BNC2: variants seen among roughly 807,000 people sequenced by gnomAD.
BNC2 encodes basonuclin zinc finger protein 2, also known as zinc finger protein basonuclin-2.
BNC2 carries 20 observed loss-of-function variants against 76.3 expected under a neutral mutation model. The observed-to-expected ratio is 0.26, with a 90% CI of 0.18 to 0.38. The LOEUF (loss-of-function observed/expected upper bound fraction) is 0.38. BNC2 is among the 10% of genes least tolerant of loss of function. The probability of loss-of-function intolerance (pLI) is 1.00; values close to 1 mark genes in which losing one functional copy is unlikely to be tolerated. For missense variants in BNC2, 1,382 were observed against 1,399.8 expected (o/e 0.99, Z 0.20); for synonymous variants, 582 against 514.8 (o/e 1.13, Z -1.77).
At chr9:16,480,667 G>C (rs981824974) in intron 5 of BNC2, among the ~76,000 whole-genome samples, 1 of 152,244 alleles carries the variant, frequency 6.6e-6, no homozygotes, top group African/African-American at 2.4e-5. Context: ...CGGCTGCGGA[G>C]GGTGTACTGG....
intron 1 of BNC2, among the ~76,000 whole-genome samples, chr9:16,845,580 G>GCA (rs1818955206): frequency 1.3e-5 from 2 of 152,148 alleles, no homozygotes; most frequent in South Asian, 4.2e-4. Flanking sequence ...AATTAGCCGG[G>GCA]TGTAGCGGCG....
At chr9:16,800,914 C>T (rs1817764663) in intron 1 of BNC2, among the ~76,000 whole-genome samples, 1 of 152,174 alleles carries the variant, frequency 6.6e-6, no homozygotes, top group African/African-American at 2.4e-5. Context: ...TATCAGGCAA[C>T]TACGTGTTTT....
chr9:16,552,412 C>T (rs1018948582), intron 5 of BNC2, 118 bp downstream of exon 5: 122 of 847,158 alleles, frequency 1.4e-4, no homozygotes, highest in Admixed American at 1.0e-4. Flanking sequence ...CCTGCTGAAA[C>T]GACCACTTTA....
chr9:16,746,725 G>C (rs537137703), intron 1 of BNC2, among the ~76,000 whole-genome samples: 47 of 151,578 alleles, frequency 3.1e-4, no homozygotes, highest in African/African-American at 1.1e-3. Context: ...CACTTTTGGA[G>C]GCCGAGGCAG....
At position 16,484,881 on chromosome 9, in the gene BNC2, A is replaced by G. The variant is rs1053728684; in HGVS notation, c.670-47357T>C. 2.6e-5 allele frequency among the ~76,000 whole-genome samples: 4 copies of G among 152,308 alleles called. 1 individual carries two copies. In the South Asian group the frequency reaches 8.3e-4, roughly 32 times the overall value. On this transcript the variant is annotated intron_variant, in intron 5 of 6. Transcript: ENST00000380672. ...GAAGACCAATGACAAGTGATGGGGG[A>G]GATTACTAATAGGCATTGTTTTACA... is the stretch of plus-strand genomic sequence containing the variant.
At chr9:16,589,239 G>T (rs957207117) in intron 3 of BNC2, among the ~76,000 whole-genome samples, 3 of 151,716 alleles carry the variant, frequency 2.0e-5, no homozygotes, top group Admixed American at 6.6e-5. Context: ...AGGCTGGAGT[G>T]CAGTGGCATA....
chr9:16,611,555 C>T (rs1236264237), intron 3 of BNC2, among the ~76,000 whole-genome samples: 1 of 151,984 alleles, frequency 6.6e-6, no homozygotes, highest in African/African-American at 2.4e-5. Flanking sequence ...GCTAATAGCA[C>T]AATCAAGTGA....
At chr9:16,838,492 C>T (rs1453530874) in intron 1 of BNC2, among the ~76,000 whole-genome samples, 3 of 151,876 alleles carry the variant, frequency 2.0e-5, no homozygotes, top group Non-Finnish European at 4.4e-5. Flanking sequence ...ACCCCAGAAG[C>T]GGAGGTTGCA....
intron 4 of BNC2, among the ~76,000 whole-genome samples, chr9:16,577,338 A>G (rs1819514698): frequency 6.6e-6 from 1 of 151,602 alleles, no homozygotes; most frequent in Admixed American, 6.6e-5. Context: ...CATGCTGAGA[A>G]AAAAAAAAGA....
At chr9:16,523,627 A>T (rs1367471252) in intron 5 of BNC2, among the ~76,000 whole-genome samples, 2 of 151,398 alleles carry the variant, frequency 1.3e-5, no homozygotes, top group Non-Finnish European at 2.9e-5. Context: ...AATACAAAAA[A>T]AGATTAAAAG....
At chr9:16,675,026 C>T (rs757759216) in intron 3 of BNC2, among the ~76,000 whole-genome samples, 6 of 152,240 alleles carry the variant, frequency 3.9e-5, no homozygotes, top group South Asian at 4.1e-4. Context: ...AAAAGCAAGA[C>T]CCAAATATTC....
At chr9:16,699,571 T>C (rs1460770319) in intron 3 of BNC2, among the ~76,000 whole-genome samples, 2 of 152,212 alleles carry the variant, frequency 1.3e-5, no homozygotes, top group Non-Finnish European at 2.9e-5. Context: ...AAGAACACTG[T>C]GGCACTGTTG....
In BNC2 at chr9:16,738,480, G is replaced by T. The variant is rs781311953; in HGVS notation, c.9C>A (p.His3Gln). The change falls in exon 2 of 7, where the codon CAC (histidine) becomes CAA (glutamine). Residue 3 changes from histidine (H) to glutamine (Q), a missense_variant. By Grantham distance (24) the His-to-Gln change is conservative. Coordinates refer to ENST00000380672, the MANE Select transcript of BNC2 (RefSeq NM_017637.6). MA[H>Q]LGPTPPPHSL... is the part of the protein sequence containing the mutation. ...TATGTGGAGGTGGGGTGGGCCCAAG[G>T]TGTGCCTATTGAGAGATTGGGAAAG... is the stretch of plus-strand genomic sequence containing the variant. 1 of 1,613,968 alleles carries T rather than the reference G, an allele frequency of 6.2e-7. No individual in the cohort carries two copies. Among genetic ancestry groups the T allele is most frequent in the Non-Finnish European group, 8.5e-7 (1 of 1,179,936 alleles).
chr9:16,831,834 C>T (rs1012408345), intron 1 of BNC2, among the ~76,000 whole-genome samples: 1 of 152,152 alleles, frequency 6.6e-6, no homozygotes. Context: ...TCCATAGAGA[C>T]TCTCCCTAAT....
chr9:16,704,088 T>C (rs1823591021), intron 3 of BNC2, among the ~76,000 whole-genome samples: 1 of 152,192 alleles, frequency 6.6e-6, no homozygotes, highest in Non-Finnish European at 1.5e-5. Context: ...ATTTCTCCTA[T>C]ACATTGGGGG....
At chr9:16,797,229 C>A (rs749766957) in intron 1 of BNC2, among the ~76,000 whole-genome samples, 5 of 152,008 alleles carry the variant, frequency 3.3e-5, no homozygotes, top group Admixed American at 2.0e-4. Flanking sequence ...GCAAGTTGAA[C>A]TCAGAAAACT....
intron 1 of BNC2, among the ~76,000 whole-genome samples, chr9:16,772,461 T>C (rs1825856978): frequency 6.6e-6 from 1 of 152,106 alleles, no homozygotes; most frequent in Non-Finnish European, 1.5e-5. Flanking sequence ...AGGCAGAAAA[T>C]CCAATAGCTT....
intron 3 of BNC2, among the ~76,000 whole-genome samples, chr9:16,705,333 G>C (rs889953151): frequency 1.3e-5 from 2 of 152,134 alleles, no homozygotes; most frequent in Admixed American, 1.3e-4. Flanking sequence ...TTTTGGCCGC[G>C]CTGGGCCAGC....
At chr9:16,749,002 G>A (rs574441247) in intron 1 of BNC2, among the ~76,000 whole-genome samples, 3 of 148,442 alleles carry the variant, frequency 2.0e-5, no homozygotes, top group African/African-American at 7.5e-5. Flanking sequence ...GAAAACCAAA[G>A]AGAGTTTTGG....
Sources: allele counts gnomAD v4.1 joint callset (sites outside exome capture counted in the v4.1 genomes callset), GRCh38; gene constraint gnomAD v4.1.1; transcripts MANE v1.5; gene names NCBI Gene and HGNC (gene_info 2026-07-23, HGNC 2026-07-21).